Variants in AUTS2 observed in about 807,000 individuals in gnomAD.
AUTS2 encodes autism susceptibility gene 2 protein.
Under a neutral mutation model 112.4 loss-of-function variants are expected in AUTS2, and 17 were observed. That is an observed-to-expected ratio of 0.15 (90% confidence interval 0.10 to 0.23). The LOEUF is 0.23. AUTS2 is among the 10% of genes least tolerant of loss of function. The pLI is 1.00. For synonymous variants in AUTS2, 751 were observed against 702.7 expected (o/e 1.07, Z -1.09); for missense variants, 1,510 against 1,701.6 (o/e 0.89, Z 1.98).
intron 5 of AUTS2, among the ~76,000 whole-genome samples, chr7:70,495,101 G>A (rs879266167): frequency 4.6e-5 from 7 of 152,040 alleles, no homozygotes; most frequent in South Asian, 4.2e-4. Flanking sequence ...AGACAAGTAG[G>A]GTGATATTTT....
At chr7:69,788,990 G>C (rs1789499777) in intron 1 of AUTS2, among the ~76,000 whole-genome samples, 1 of 152,122 alleles carries the variant, frequency 6.6e-6, no homozygotes, top group Non-Finnish European at 1.5e-5. Flanking sequence ...AAGATGTAAA[G>C]TCTTTCTTAA....
At chr7:70,379,543 A>C (rs1270775345) in intron 4 of AUTS2, among the ~76,000 whole-genome samples, 3 of 152,044 alleles carry the variant, frequency 2.0e-5, no homozygotes, top group African/African-American at 4.8e-5. Flanking sequence ...CATTAGACTT[A>C]ATTTGTGTCA....
intron 2 of AUTS2, among the ~76,000 whole-genome samples, chr7:69,924,552 T>C (rs1202316963): frequency 4.0e-5 from 6 of 151,560 alleles, no homozygotes; most frequent in Non-Finnish European, 7.4e-5. Context: ...TCTTTTCTTT[T>C]TTTTTTTTCT....
At chr7:69,614,371 TAAGA>T (rs1268168280) in intron 1 of AUTS2, among the ~76,000 whole-genome samples, 3 of 90,086 alleles carry the variant, frequency 3.3e-5, no homozygotes, top group Non-Finnish European at 4.7e-5. Flanking sequence ...TTTCTTTTTT[TAAGA>T]GATGGGATCT....
At chr7:69,805,062 G>A (rs990563520) in intron 1 of AUTS2, among the ~76,000 whole-genome samples, 20 of 152,076 alleles carry the variant, frequency 1.3e-4, no homozygotes, top group Admixed American at 8.5e-4. Flanking sequence ...CTCTTATTTG[G>A]TGCAGTTGAT....
At chr7:70,462,594 A>G (rs1479129990) in intron 5 of AUTS2, among the ~76,000 whole-genome samples, 1 of 152,126 alleles carries the variant, frequency 6.6e-6, no homozygotes, top group Non-Finnish European at 1.5e-5. Context: ...TATAGTTGTG[A>G]TCATGTACAA....
chr7:69,990,710 T>A (rs192077366), intron 2 of AUTS2, among the ~76,000 whole-genome samples: 171 of 152,316 alleles, frequency 1.1e-3, no homozygotes, highest in Non-Finnish European at 1.8e-3. Context: ...GTGGTCATAT[T>A]TATATAGGTT....
intron 4 of AUTS2, among the ~76,000 whole-genome samples, chr7:70,425,400 G>T (rs1795391497): frequency 6.6e-6 from 1 of 152,140 alleles, no homozygotes; most frequent in Non-Finnish European, 1.5e-5. Context: ...GTTCCTGCTG[G>T]CTGTGCCTTT....
chr7:70,359,324 A>G (rs1792151386), intron 4 of AUTS2, among the ~76,000 whole-genome samples: 1 of 151,982 alleles, frequency 6.6e-6, no homozygotes, highest in African/African-American at 2.4e-5. Context: ...GCTGTAATTT[A>G]CTCTCCCTTC....
At chr7:69,661,017 T>C (rs2129143452) in intron 1 of AUTS2, among the ~76,000 whole-genome samples, 1 of 152,300 alleles carries the variant, frequency 6.6e-6, no homozygotes. Context: ...ACGCTGACAA[T>C]CAAAGCAGCT....
intron 1 of AUTS2, among the ~76,000 whole-genome samples, chr7:69,864,823 G>A (rs1015766447): frequency 5.9e-5 from 9 of 152,184 alleles, no homozygotes; most frequent in African/African-American, 2.2e-4. Context: ...ATAGATGGGA[G>A]TTGAGAATAA....
At position 69,899,361 on chromosome 7, in the gene AUTS2, C is replaced by G. The variant is rs145480547; in HGVS notation, c.385C>G (p.Leu129Val). 5.7e-4 allele frequency: 928 copies of G among 1,614,058 alleles called. 8 individuals carry two copies. In the East Asian group the frequency reaches 7.0e-3, roughly 12 times the overall value. Residue 129 changes from leucine to valine, a missense_variant, in exon 2 of 19, where the codon CTT becomes GTT. Physicochemically the swap from Leu to Val is conservative, Grantham distance 32 (BLOSUM62 1). This residue lies in a region of AUTS2 where 535 missense variants were observed against 594.3 expected (regional missense o/e 0.90). Transcript: ENST00000342771. ...CCTGACCAAGAAGAAACGAGAAGCA[C>G]TTACCAATGGCTTGTCCTTTCATTC... ...TPLTKKKREA[L>V]TNGLSFHSKK... is the part of the protein sequence containing the mutation.
At chr7:70,125,002 T>C (rs1454297488) in intron 3 of AUTS2, among the ~76,000 whole-genome samples, 2 of 152,212 alleles carry the variant, frequency 1.3e-5, no homozygotes, top group African/African-American at 4.8e-5. Flanking sequence ...ATTGAACATA[T>C]GGAAAATAGT....
intron 5 of AUTS2, among the ~76,000 whole-genome samples, chr7:70,684,118 T>G (rs1369370839): frequency 6.6e-6 from 1 of 150,730 alleles, no homozygotes; most frequent in Non-Finnish European, 1.5e-5. Flanking sequence ...TCAGGATGCT[T>G]AATAATAAGG....
At chr7:69,619,215 C>T (rs1286178839) in intron 1 of AUTS2, among the ~76,000 whole-genome samples, 1 of 152,154 alleles carries the variant, frequency 6.6e-6, no homozygotes, top group Non-Finnish European at 1.5e-5. Flanking sequence ...CCCTCTTCAG[C>T]ACCTTATGAG....
At chr7:69,661,454 G>A (rs921798145) in intron 1 of AUTS2, among the ~76,000 whole-genome samples, 22 of 152,096 alleles carry the variant, frequency 1.4e-4, no homozygotes, top group African/African-American at 5.3e-4. Flanking sequence ...GCCTTCTCTC[G>A]GTCCTATAAA....
intron 1 of AUTS2, among the ~76,000 whole-genome samples, chr7:69,640,272 T>C (rs1794744626): frequency 1.3e-5 from 2 of 152,208 alleles, no homozygotes; most frequent in Non-Finnish European, 1.5e-5. Context: ...AGAAATAGTG[T>C]CTAGCTTCAG....
At chr7:70,716,636 CAAAAAAA>C (rs34972760) in intron 6 of AUTS2, among the ~76,000 whole-genome samples, 6 of 64,938 alleles carry the variant, frequency 9.2e-5, no homozygotes, top group East Asian at 7.8e-4. Flanking sequence ...GACTCCGTCT[CAAAAAAA>C]AAAAAAAAAA....
At chr7:69,717,354 G>T (rs1798666137) in intron 1 of AUTS2, among the ~76,000 whole-genome samples, 2 of 152,198 alleles carry the variant, frequency 1.3e-5, no homozygotes, top group African/African-American at 4.8e-5. Flanking sequence ...AGCATTCCTG[G>T]TGGCATTTGC....
Sources: gnomAD v4.1 joint callset for allele counts (sites outside exome capture counted in the v4.1 genomes callset) on GRCh38, gnomAD v4.1.1 for gene constraint, gnomAD v4.1.1 regional missense constraint, MANE v1.5 for transcripts, NCBI Gene and HGNC (gene_info 2026-07-23, HGNC 2026-07-21) for gene names.